Variants in SCHIP1 observed in about 807,000 individuals in gnomAD.
SCHIP1 encodes schwannomin-interacting protein 1.
SCHIP1 carries 8 observed loss-of-function variants against 29.7 expected under a neutral mutation model. The observed-to-expected ratio is 0.27, with a 90% CI of 0.16 to 0.49. The LOEUF is 0.49. Among genes scored for constraint, SCHIP1 ranks in the 20% least tolerant of loss-of-function variants. The pLI is 0.99. For synonymous variants in SCHIP1, 76 were observed against 94.9 expected (o/e 0.80, Z 1.16); for missense variants, 193 against 294.6 (o/e 0.66, Z 2.52).
chr3:159,617,185 G>A, the SCHIP1 span, among the ~76,000 whole-genome samples: 2 of 152,150 alleles, frequency 1.3e-5, no homozygotes, highest in Non-Finnish European at 1.5e-5. Flanking sequence ...TATCTGGTAA[G>A]CAACATTAAC....
chr3:159,430,800 C>T, the SCHIP1 span, among the ~76,000 whole-genome samples: 1 of 152,054 alleles, frequency 6.6e-6, no homozygotes, highest in Non-Finnish European at 1.5e-5. Context: ...AAGTGGTCTG[C>T]AAAAGAGTGG....
the SCHIP1 span, among the ~76,000 whole-genome samples, chr3:159,753,337 C>T: frequency 6.6e-6 from 1 of 152,156 alleles, no homozygotes; most frequent in Non-Finnish European, 1.5e-5. Flanking sequence ...AGATATAGAA[C>T]GTCCAAAAAG....
the SCHIP1 span, among the ~76,000 whole-genome samples, chr3:159,580,569 A>G: frequency 2.0e-5 from 3 of 152,240 alleles, no homozygotes; most frequent in Non-Finnish European, 4.4e-5. Context: ...TGAAATACAG[A>G]ATTTCCCACA....
the SCHIP1 span, among the ~76,000 whole-genome samples, chr3:159,814,155 A>G: frequency 6.6e-6 from 1 of 152,192 alleles, no homozygotes; most frequent in Admixed American, 6.5e-5. Flanking sequence ...AGGTAGGAGC[A>G]GTAGCAACCC....
chr3:159,396,096 A>T, the SCHIP1 span, among the ~76,000 whole-genome samples: 1 of 139,554 alleles, frequency 7.2e-6, no homozygotes, highest in Non-Finnish European at 1.6e-5. Context: ...GTCTCTTTTG[A>T]TCTTTGTTGG....
the SCHIP1 span, among the ~76,000 whole-genome samples, chr3:159,476,549 C>T: frequency 6.6e-6 from 1 of 152,086 alleles, no homozygotes; most frequent in Non-Finnish European, 1.5e-5. Context: ...TTTAAGCTAT[C>T]AGTGTGCACT....
upstream of SCHIP1, among the ~76,000 whole-genome samples, chr3:159,835,245 T>TG (rs1348535622): frequency 3.3e-5 from 5 of 152,324 alleles, no homozygotes; most frequent in African/African-American, 1.2e-4. Flanking sequence ...GAAGGGGTTT[T>TG]GGACAATAAA....
chr3:159,728,979 A>C, the SCHIP1 span, among the ~76,000 whole-genome samples: 1 of 152,022 alleles, frequency 6.6e-6, no homozygotes, highest in Admixed American at 6.6e-5. Context: ...GTGAAACCCC[A>C]TCTCTACTAA....
the SCHIP1 span, among the ~76,000 whole-genome samples, chr3:159,297,792 C>T: frequency 6.6e-6 from 1 of 152,222 alleles, no homozygotes; most frequent in African/African-American, 2.4e-5. Context: ...ATGATCTTCC[C>T]CCTAGTAGCT....
the SCHIP1 span, among the ~76,000 whole-genome samples, chr3:159,665,659 G>A: frequency 6.6e-6 from 1 of 151,966 alleles, no homozygotes; most frequent in African/African-American, 2.4e-5. Context: ...AGTAGGCACA[G>A]GACTTCCCTT....
At chr3:159,288,063 C>T in the SCHIP1 span, among the ~76,000 whole-genome samples, 5 of 151,912 alleles carry the variant, frequency 3.3e-5, no homozygotes, top group South Asian at 2.1e-4. Flanking sequence ...ATATGGTGTC[C>T]GATTTGATCT....
chr3:159,820,190 A>T, the SCHIP1 span, among the ~76,000 whole-genome samples: 1 of 152,102 alleles, frequency 6.6e-6, no homozygotes, highest in Non-Finnish European at 1.5e-5. Context: ...TGAAAAAAAG[A>T]CTTCTATGGC....
the SCHIP1 span, among the ~76,000 whole-genome samples, chr3:159,717,999 A>G: frequency 1.3e-5 from 2 of 152,334 alleles, no homozygotes; most frequent in African/African-American, 4.8e-5. Flanking sequence ...CTGGCGAACC[A>G]AATCCAGCAG....
At chr3:159,520,128 T>C in the SCHIP1 span, among the ~76,000 whole-genome samples, 11 of 142,510 alleles carry the variant, frequency 7.7e-5, no homozygotes, top group Admixed American at 2.1e-4. Flanking sequence ...CCCAGCTCAG[T>C]GGAGAAGGCA....
chr3:159,381,998 G>A, the SCHIP1 span, among the ~76,000 whole-genome samples: 1 of 151,996 alleles, frequency 6.6e-6, no homozygotes, highest in African/African-American at 2.4e-5. Flanking sequence ...GAGTTGAGCT[G>A]TAGCCATAAA....
At chr3:159,858,061 C>G (rs1713597821) in intron 1 of SCHIP1, among the ~76,000 whole-genome samples, 1 of 152,210 alleles carries the variant, frequency 6.6e-6, no homozygotes. Flanking sequence ...TTGGCTGTTT[C>G]ATAACCATGC....
the SCHIP1 span, chr3:159,398,706 A>T: frequency 2.6e-5 from 4 of 152,112 alleles, no homozygotes; most frequent in East Asian, 1.9e-4. Context: ...TTTGAATCTG[A>T]TAGAGAGGAG....
At chr3:159,470,768 A>C in the SCHIP1 span, among the ~76,000 whole-genome samples, 2 of 152,180 alleles carry the variant, frequency 1.3e-5, no homozygotes, top group African/African-American at 2.4e-5. Flanking sequence ...ACATTGGTAC[A>C]TCCACAAACT....
upstream of SCHIP1, among the ~76,000 whole-genome samples, chr3:159,835,698 A>G (rs1743594906): frequency 6.6e-6 from 1 of 152,202 alleles, no homozygotes; most frequent in African/African-American, 2.4e-5. Context: ...TGACAAATAT[A>G]CACACCTGTA....
Sources: gnomAD v4.1 joint callset for allele counts (sites outside exome capture counted in the v4.1 genomes callset) on GRCh38, gnomAD v4.1.1 for gene constraint, MANE v1.5 for transcripts, NCBI Gene and HGNC (gene_info 2026-07-23, HGNC 2026-07-21) for gene names.